DPYD: variants seen among roughly 807,000 people sequenced by gnomAD.
DPYD encodes dihydropyrimidine dehydrogenase, also known as dihydropyrimidine dehydrogenase [NADP(+)].
In DPYD, 109 loss-of-function variants were observed where a neutral mutation model predicts 116.2. That is an observed-to-expected ratio of 0.94 (90% confidence interval 0.80 to 1.10). DPYD has a LOEUF of 1.10. DPYD is among the 50% of genes least tolerant of loss of function. The probability of loss-of-function intolerance (pLI) is 0.00; values close to 1 mark genes in which losing one functional copy is unlikely to be tolerated. For synonymous variants in DPYD, 440 were observed against 432.0 expected (o/e 1.02, Z -0.23); for missense variants, 1,302 against 1,254.5 (o/e 1.04, Z -0.57).
intron 11 of DPYD, among the ~76,000 whole-genome samples, chr1:97,570,888 A>G (rs1439134916): frequency 1.3e-5 from 2 of 151,940 alleles, no homozygotes; most frequent in East Asian, 3.9e-4. Flanking sequence ...CCTGGCATTC[A>G]TTAGGTACTC....
chr1:97,741,341 C>T (rs1039858087), intron 3 of DPYD, among the ~76,000 whole-genome samples: 2 of 152,100 alleles, frequency 1.3e-5, no homozygotes, highest in African/African-American at 4.8e-5. Flanking sequence ...CTCTCCTCTC[C>T]GGGGGACTGG....
In DPYD at chr1:97,496,965, A is replaced by C. The variant is rs531897696; in HGVS notation, c.1740+18761T>G. 2.8e-4 allele frequency among the ~76,000 whole-genome samples: 43 copies of C among 152,120 alleles called. 2 individuals are homozygous for C. The highest frequency in any genetic ancestry group is 1.0e-3 in the African/African-American group (42 of 41,556). On this transcript the variant is annotated intron_variant, in intron 13 of 22. Coordinates refer to ENST00000370192, the MANE Select transcript of DPYD (RefSeq NM_000110.4). The stretch of plus-strand genomic sequence containing the variant: ...TTTAAGAGCACTCTATTGCCATCCA[A>C]ATGAATTTGAACAAATCTTTTGATT...
intron 19 of DPYD, among the ~76,000 whole-genome samples, chr1:97,229,264 C>T (rs562655571): frequency 6.0e-5 from 7 of 116,756 alleles, no homozygotes; most frequent in African/African-American, 1.6e-4. Context: ...AAAAAAAAGA[C>T]GAATAAAAAG....
At chr1:97,854,222 T>C (rs1197189145) in intron 2 of DPYD, among the ~76,000 whole-genome samples, 8 of 152,198 alleles carry the variant, frequency 5.3e-5, no homozygotes, top group African/African-American at 1.9e-4. Context: ...TCTGATAAAT[T>C]TAGAAACACA....
rs74596341 is a variant in DPYD, at chr1:97,870,524, T to C, written c.150+12740A>G. ...CTGCAGGAAGGCGTTTCTCATGCTA[T>C]TTCTCTGTGGTCCCTGATATTCAAA... On this transcript the variant is annotated intron_variant, in intron 2 of 22. Coordinates refer to ENST00000370192, the MANE Select transcript of DPYD (RefSeq NM_000110.4). 6.3e-3 allele frequency among the ~76,000 whole-genome samples: 959 copies of C among 151,960 alleles called. 13 individuals carry two copies. Among genetic ancestry groups the C allele is most frequent in the African/African-American group, 0.022 (922 of 41,486 alleles).
intron 22 of DPYD, 124 bp downstream of exon 22, chr1:97,082,206 T>C: frequency 1.7e-6 from 2 of 1,172,230 alleles, no homozygotes; most frequent in Non-Finnish European, 2.5e-6. Context: ...AGATGTACTG[T>C]TGCAGAAGAG....
chr1:97,775,674 T>C (rs1331285105), intron 3 of DPYD, among the ~76,000 whole-genome samples: 1 of 152,196 alleles, frequency 6.6e-6, no homozygotes, highest in Admixed American at 6.5e-5. Flanking sequence ...TATATATTCT[T>C]GTGTCCTAAT....
At chr1:97,656,170 T>C (rs557582224) in intron 8 of DPYD, among the ~76,000 whole-genome samples, 2 of 152,316 alleles carry the variant, frequency 1.3e-5, no homozygotes, top group East Asian at 1.9e-4. Flanking sequence ...CAAACTGTCA[T>C]ATTCTACCTA....
intron 8 of DPYD, among the ~76,000 whole-genome samples, chr1:97,652,392 A>AT (rs1464038962): frequency 1.3e-5 from 2 of 152,236 alleles, no homozygotes; most frequent in Non-Finnish European, 2.9e-5. Context: ...GAAATAGTTT[A>AT]TAAATATTCT....
At chr1:97,429,234 G>A (rs546002179) in intron 14 of DPYD, among the ~76,000 whole-genome samples, 2 of 152,040 alleles carry the variant, frequency 1.3e-5, no homozygotes, top group East Asian at 3.9e-4. Flanking sequence ...TACTAAATAG[G>A]ATAATATAAT....
intron 18 of DPYD, among the ~76,000 whole-genome samples, chr1:97,254,177 C>A (rs1246955717): frequency 2.6e-5 from 4 of 152,056 alleles, no homozygotes; most frequent in South Asian, 2.1e-4. Flanking sequence ...TGTTGACTCC[C>A]AAACTAGGGC....
chr1:97,255,047 T>C (rs184841935), intron 18 of DPYD, among the ~76,000 whole-genome samples: 3 of 152,296 alleles, frequency 2.0e-5, no homozygotes, highest in Admixed American at 2.0e-4. Context: ...ATCACGTTTA[T>C]CTTAAGTCAT....
intron 4 of DPYD, among the ~76,000 whole-genome samples, chr1:97,737,627 G>A (rs193141254): frequency 6.6e-6 from 1 of 152,230 alleles, no homozygotes; most frequent in Admixed American, 6.5e-5. Flanking sequence ...CATTGAAACT[G>A]AAAGGCAAAC....
chr1:97,390,621 G>C (rs1185880507), intron 14 of DPYD, among the ~76,000 whole-genome samples: 12 of 151,818 alleles, frequency 7.9e-5, no homozygotes, highest in Admixed American at 7.9e-4. Flanking sequence ...ATGCTTACAA[G>C]TTGTCTTTTA....
intron 20 of DPYD, among the ~76,000 whole-genome samples, chr1:97,126,779 C>G (rs1216472356): frequency 6.6e-6 from 1 of 152,150 alleles, no homozygotes; most frequent in Non-Finnish European, 1.5e-5. Flanking sequence ...GTAGCTAAAA[C>G]TTCATTTTCT....
intron 2 of DPYD, among the ~76,000 whole-genome samples, chr1:97,831,607 A>G (rs551757286): frequency 6.6e-6 from 1 of 152,126 alleles, no homozygotes; most frequent in South Asian, 2.1e-4. Context: ...CAAAAAAATT[A>G]TCCATGGTAG....
chr1:97,899,896 G>A (rs2101681425), intron 1 of DPYD, among the ~76,000 whole-genome samples: 1 of 151,992 alleles, frequency 6.6e-6, no homozygotes, highest in African/African-American at 2.4e-5. Context: ...TACATGGATA[G>A]GCCTTGGGAA....
chr1:97,468,991 T>C (rs1677480450), intron 13 of DPYD, among the ~76,000 whole-genome samples: 1 of 152,186 alleles, frequency 6.6e-6, no homozygotes, highest in East Asian at 1.9e-4. Context: ...ATTTAAAACA[T>C]GATTGCACTT....
intron 21 of DPYD, among the ~76,000 whole-genome samples, chr1:97,084,172 C>A (rs1372412186): frequency 1.3e-5 from 2 of 152,028 alleles, no homozygotes; most frequent in African/African-American, 4.8e-5. Flanking sequence ...AGGCTTTCTG[C>A]AAACATGTCT....
Sources: gnomAD v4.1 joint callset for allele counts (sites outside exome capture counted in the v4.1 genomes callset) on GRCh38, gnomAD v4.1.1 for gene constraint, MANE v1.5 for transcripts, NCBI Gene and HGNC (gene_info 2026-07-23, HGNC 2026-07-21) for gene names.